Variants in DRGX observed in about 807,000 individuals in gnomAD.
DRGX encodes dorsal root ganglia homeobox.
DRGX carries 21 observed loss-of-function variants against 28.6 expected under a neutral mutation model. The ratio of observed to expected loss-of-function variants is 0.73; its 90% CI spans 0.52 to 1.06. DRGX has a LOEUF of 1.06. Ranked by LOEUF, DRGX falls within the 50% of genes least tolerant of loss-of-function variation. DRGX has a pLI of 0.00. For missense variants in DRGX, 354 were observed against 343.9 expected (o/e 1.03, Z -0.23); for synonymous variants, 136 against 139.1 (o/e 0.98, Z 0.16).
intron 4 of DRGX, among the ~76,000 whole-genome samples, chr10:49,388,257 C>G (rs1416119033): frequency 6.6e-6 from 1 of 152,158 alleles, no homozygotes; most frequent in African/African-American, 2.4e-5. Flanking sequence ...CCAGCAAAAC[C>G]TCTTCCCTCC....
At position 49,368,103 on chromosome 10, in the gene DRGX, A is replaced by G. The variant is rs1303520811; in HGVS notation, c.527-1722T>C. Among the ~76,000 whole-genome samples the G allele has an allele frequency of 3.9e-5, 6 of 152,244 alleles. No homozygotes were observed. The East Asian group carries it at 7.7e-4, about 20-fold the overall frequency. On this transcript the variant is annotated intron_variant, in intron 6 of 6. Transcript: ENST00000374139. ...TCCTTGCCAAGCCTGCTGAGAGACA[A>G]AGGGAACCTCACCTTTACCACCCGC...
At chr10:49,385,969 C>T (rs1276003819) in intron 6 of DRGX, among the ~76,000 whole-genome samples, 3 of 152,266 alleles carry the variant, frequency 2.0e-5, no homozygotes, top group Middle Eastern at 3.4e-3. Flanking sequence ...CAAAATGCCC[C>T]TAACGATTTC....
At chr10:49,370,567 C>G (rs1849648814) in intron 6 of DRGX, among the ~76,000 whole-genome samples, 1 of 152,204 alleles carries the variant, frequency 6.6e-6, no homozygotes, top group Admixed American at 6.5e-5. Flanking sequence ...AGGAATGTGG[C>G]AAATGAGCCC....
intron 6 of DRGX, among the ~76,000 whole-genome samples, chr10:49,382,182 G>C (rs1455284535): frequency 1.3e-5 from 2 of 152,174 alleles, no homozygotes; most frequent in Non-Finnish European, 2.9e-5. Context: ...TAATGAAAAA[G>C]TGGTGTCTGG....
intron 6 of DRGX, among the ~76,000 whole-genome samples, chr10:49,368,877 C>T (rs1402570202): frequency 1.3e-5 from 2 of 152,238 alleles, no homozygotes; most frequent in Non-Finnish European, 2.9e-5. Context: ...AAGACAGGCA[C>T]ACCTGAGAGC....
chr10:49,394,829 A>G (rs1325828863), intron 2 of DRGX, among the ~76,000 whole-genome samples: 2 of 152,188 alleles, frequency 1.3e-5, no homozygotes, highest in Non-Finnish European at 1.5e-5. Flanking sequence ...GAGCCATGCT[A>G]GGTCAGTCCG....
chr10:49,391,131 G>C (rs944914183), intron 3 of DRGX, 33 bp downstream of exon 3: 2 of 1,605,654 alleles, frequency 1.2e-6, no homozygotes, highest in African/African-American at 1.3e-5. Context: ...GTAGGAAGTA[G>C]CTGATGTTTG....
chr10:49,394,710 G>A (rs867969889), intron 2 of DRGX, among the ~76,000 whole-genome samples: 1 of 152,216 alleles, frequency 6.6e-6, no homozygotes, highest in African/African-American at 2.4e-5. Flanking sequence ...GCCAGACTGG[G>A]GATCCTGAGG....
At chr10:49,375,838 ACCCTC>A (rs1305521265) in intron 6 of DRGX, among the ~76,000 whole-genome samples, 1 of 151,256 alleles carries the variant, frequency 6.6e-6, no homozygotes, top group Non-Finnish European at 1.5e-5. Flanking sequence ...AATTCACACA[ACCCTC>A]CCTCCTTCCA....
chr10:49,384,665 C>T (rs1849812043), intron 6 of DRGX, among the ~76,000 whole-genome samples: 1 of 152,138 alleles, frequency 6.6e-6, no homozygotes, highest in South Asian at 2.1e-4. Flanking sequence ...TCAGCACCAC[C>T]CCCTCCTGTC....
chr10:49,369,230 T>C (rs1032215560), intron 6 of DRGX, among the ~76,000 whole-genome samples: 1 of 152,000 alleles, frequency 6.6e-6, no homozygotes, highest in African/African-American at 2.4e-5. Flanking sequence ...AACTTGGAAG[T>C]TAAGAGGAAT....
intron 4 of DRGX, among the ~76,000 whole-genome samples, chr10:49,388,379 G>C (rs780717823): frequency 6.6e-6 from 1 of 152,248 alleles, no homozygotes; most frequent in Non-Finnish European, 1.5e-5. Flanking sequence ...ACTGGCCCCA[G>C]AGAGAGCCTG....
chr10:49,371,001 C>T (rs1315143871), intron 6 of DRGX, among the ~76,000 whole-genome samples: 1 of 152,188 alleles, frequency 6.6e-6, no homozygotes, highest in Non-Finnish European at 1.5e-5. Context: ...CCTCTGTCAT[C>T]ACCCTAAAGA....
At chr10:49,391,846 A>T (rs781571778) in intron 2 of DRGX, 2 of 525,570 alleles carry the variant, frequency 3.8e-6, no homozygotes, top group Non-Finnish European at 7.8e-6. Context: ...CGTTGGTCAC[A>T]GCTCATCAGC....
chr10:49,370,941 CT>C (rs1173196049), intron 6 of DRGX, among the ~76,000 whole-genome samples: 7 of 152,188 alleles, frequency 4.6e-5, no homozygotes, highest in Admixed American at 6.5e-5. Context: ...TAAAGTCCTT[CT>C]CTCTTGTGTG....
intron 6 of DRGX, among the ~76,000 whole-genome samples, chr10:49,380,631 G>A (rs1849764674): frequency 6.6e-6 from 1 of 152,154 alleles, no homozygotes; most frequent in Non-Finnish European, 1.5e-5. Flanking sequence ...GAGGACAAAA[G>A]CACATCACTG....
At chr10:49,395,277 C>T (rs924675096) in intron 2 of DRGX, 130 bp downstream of exon 2, 28 of 1,144,232 alleles carry the variant, frequency 2.4e-5, no homozygotes, top group Non-Finnish European at 3.1e-5. Context: ...CAGGGAGGCC[C>T]CTACTCACCG....
intron 6 of DRGX, among the ~76,000 whole-genome samples, chr10:49,380,636 T>C (rs1266345430): frequency 1.3e-5 from 2 of 152,102 alleles, no homozygotes; most frequent in South Asian, 2.1e-4. Context: ...CAAAAGCACA[T>C]CACTGCTTGA....
intron 6 of DRGX, among the ~76,000 whole-genome samples, chr10:49,385,900 G>A (rs1849828015): frequency 6.6e-6 from 1 of 152,152 alleles, no homozygotes; most frequent in Admixed American, 6.5e-5. Flanking sequence ...GCCCATTCCA[G>A]TGAGTCTGCT....
Sources: allele counts gnomAD v4.1 joint callset (sites outside exome capture counted in the v4.1 genomes callset), GRCh38; gene constraint gnomAD v4.1.1; transcripts MANE v1.5; gene names NCBI Gene and HGNC (gene_info 2026-07-23, HGNC 2026-07-21).